Variants in PRKG1 observed in about 807,000 individuals in gnomAD.
PRKG1 encodes protein kinase cGMP-dependent 1.
A neutral mutation model predicts 88.1 loss-of-function variants in PRKG1; 35 were observed. That is an observed-to-expected ratio of 0.40 (90% CI 0.30 to 0.53). The LOEUF (loss-of-function observed/expected upper bound fraction) is 0.53, where lower values mean the gene tolerates loss of function less well. Among genes scored for constraint, PRKG1 ranks in the 20% least tolerant of loss-of-function variants. The probability of loss-of-function intolerance (pLI) is 0.59; values close to 1 mark genes in which losing one functional copy is unlikely to be tolerated. For synonymous variants in PRKG1, 303 were observed against 292.5 expected (o/e 1.04, Z -0.37); for missense variants, 540 against 839.8 (o/e 0.64, Z 4.41).
chr10:51,151,275 G>T (rs1455522828), intron 1 of PRKG1, among the ~76,000 whole-genome samples: 1 of 151,966 alleles, frequency 6.6e-6, no homozygotes, highest in Non-Finnish European at 1.5e-5. Flanking sequence ...CAATATGAAG[G>T]TGCCACTGCT....
intron 4 of PRKG1, among the ~76,000 whole-genome samples, chr10:51,879,327 A>T (rs761412415): frequency 3.9e-5 from 6 of 152,190 alleles, no homozygotes; most frequent in African/African-American, 1.2e-4. Context: ...GGGCTGACTC[A>T]AGGAGGCCCA....
At chr10:52,091,170 G>A (rs1270835012) in intron 7 of PRKG1, among the ~76,000 whole-genome samples, 1 of 152,158 alleles carries the variant, frequency 6.6e-6, no homozygotes, top group East Asian at 1.9e-4. Flanking sequence ...GGTCATTCCG[G>A]TTGTTGGCAG....
chr10:51,197,647 T>C (rs1589236704), intron 2 of PRKG1, among the ~76,000 whole-genome samples: 1 of 151,948 alleles, frequency 6.6e-6, no homozygotes, highest in Middle Eastern at 3.2e-3. Flanking sequence ...GTAGCATATG[T>C]GTATATACTA....
intron 2 of PRKG1, among the ~76,000 whole-genome samples, chr10:51,349,063 C>T (rs533177445): frequency 1.3e-5 from 2 of 152,256 alleles, no homozygotes; most frequent in East Asian, 1.9e-4. Context: ...CAAGTGTTGT[C>T]GTCATCTTCC....
chr10:51,161,730 C>A (rs1846368677), intron 2 of PRKG1, among the ~76,000 whole-genome samples: 2 of 152,008 alleles, frequency 1.3e-5, no homozygotes, highest in Non-Finnish European at 2.9e-5. Context: ...TATTTCTATG[C>A]TTTTTCATTT....
chr10:51,192,991 A>G (rs1419953685), intron 2 of PRKG1, among the ~76,000 whole-genome samples: 1 of 152,066 alleles, frequency 6.6e-6, no homozygotes, highest in Non-Finnish European at 1.5e-5. Flanking sequence ...TAATATAGCT[A>G]TTTAAATGTT....
Position 51,380,283 on chromosome 10 carries a change from G to A in PRKG1, c.479-87440G>A, listed in dbSNP as rs186804321. On this transcript the variant is annotated intron_variant, in intron 2 of 17. Transcript: ENST00000373980. ...ATTGCTAACTATTTGGGAGTTTTGC[G>A]AGCTGATTATCCATAGTGGGAGTAT... Among the ~76,000 whole-genome samples, 71 of 152,240 alleles carry A rather than the reference G, an allele frequency of 4.7e-4. 1 individual carries two copies. Among genetic ancestry groups the A allele is most frequent in the Non-Finnish European group, 7.2e-4 (49 of 68,022 alleles).
intron 4 of PRKG1, among the ~76,000 whole-genome samples, chr10:51,813,106 G>C (rs1839498822): frequency 6.6e-6 from 1 of 152,126 alleles, no homozygotes; most frequent in Admixed American, 6.6e-5. Context: ...AAAATCTTTT[G>C]AATTTGCTTT....
chr10:51,975,010 C>T (rs564338859), intron 5 of PRKG1, among the ~76,000 whole-genome samples: 28 of 152,068 alleles, frequency 1.8e-4, no homozygotes, highest in East Asian at 9.7e-4. Context: ...AATATACTGA[C>T]GGTTTTTACT....
At chr10:51,637,619 A>G (rs1445763617) in intron 3 of PRKG1, among the ~76,000 whole-genome samples, 1 of 152,196 alleles carries the variant, frequency 6.6e-6, no homozygotes, top group East Asian at 1.9e-4. Context: ...TCCTCTGAAG[A>G]GACATGGATG....
chr10:52,102,184 GT>G (rs978381957), intron 7 of PRKG1, among the ~76,000 whole-genome samples: 83 of 152,042 alleles, frequency 5.5e-4, no homozygotes, highest in African/African-American at 2.0e-3. Flanking sequence ...AGTTTTTTTT[GT>G]TTTGTTTTTT....
At chr10:51,509,527 C>G (rs530237227) in intron 3 of PRKG1, among the ~76,000 whole-genome samples, 1 of 152,226 alleles carries the variant, frequency 6.6e-6, no homozygotes, top group African/African-American at 2.4e-5. Context: ...GCACTAATAT[C>G]TCTTTTCTTT....
intron 2 of PRKG1, among the ~76,000 whole-genome samples, chr10:51,177,078 T>C (rs1589222047): frequency 6.6e-6 from 1 of 152,320 alleles, no homozygotes; most frequent in East Asian, 1.9e-4. Flanking sequence ...CAATATCCTC[T>C]AGTTTTTCTT....
chr10:51,393,185 C>T (rs989451059), intron 2 of PRKG1, among the ~76,000 whole-genome samples: 3 of 131,280 alleles, frequency 2.3e-5, no homozygotes, highest in Non-Finnish European at 3.3e-5. Flanking sequence ...CAGACGGGGT[C>T]GCGGGGCCGG....
intron 1 of PRKG1, among the ~76,000 whole-genome samples, chr10:51,077,400 G>C (rs1843984783): frequency 6.6e-6 from 1 of 152,016 alleles, no homozygotes; most frequent in African/African-American, 2.4e-5. Context: ...GTTCATGCTA[G>C]TTTTTGATTC....
At chr10:52,181,150 C>G (rs1331983360) in intron 9 of PRKG1, among the ~76,000 whole-genome samples, 2 of 152,050 alleles carry the variant, frequency 1.3e-5, no homozygotes, top group Non-Finnish European at 2.9e-5. Context: ...TTTCTCAGGA[C>G]CAGAATGGGG....
At chr10:50,993,760 C>G (rs907713201) in intron 1 of PRKG1, among the ~76,000 whole-genome samples, 11 of 152,348 alleles carry the variant, frequency 7.2e-5, no homozygotes, top group African/African-American at 2.6e-4. Context: ...TCCCAGAGTC[C>G]ACTGTCATTC....
chr10:51,456,203 T>G (rs1046831521), intron 2 of PRKG1, among the ~76,000 whole-genome samples: 16 of 152,150 alleles, frequency 1.1e-4, no homozygotes, highest in Admixed American at 4.6e-4. Context: ...ATAAGACTTA[T>G]TCACTACCGG....
chr10:51,767,332 ACTCT>A (rs879420701), intron 3 of PRKG1, among the ~76,000 whole-genome samples: 48 of 149,086 alleles, frequency 3.2e-4, no homozygotes, highest in African/African-American at 1.1e-3. Context: ...TGTAGAATTT[ACTCT>A]CTCTCTCTCT....
Sources: allele counts gnomAD v4.1 joint callset (sites outside exome capture counted in the v4.1 genomes callset), GRCh38; gene constraint gnomAD v4.1.1; transcripts MANE v1.5; gene names NCBI Gene and HGNC (gene_info 2026-07-23, HGNC 2026-07-21).